Variants in OPCML observed in about 807,000 individuals in gnomAD.
The protein encoded by OPCML is opioid-binding protein/cell adhesion molecule.
In OPCML, 13 loss-of-function variants were observed where a neutral mutation model predicts 37.8. That is an observed-to-expected ratio of 0.34 (90% CI 0.22 to 0.55). The LOEUF (loss-of-function observed/expected upper bound fraction) is 0.55, where lower values mean the gene tolerates loss of function less well. Among genes scored for constraint, OPCML ranks in the 20% least tolerant of loss-of-function variants. The pLI is 0.91. For missense variants in OPCML, 341 were observed against 435.6 expected (o/e 0.78, Z 1.93); for synonymous variants, 176 against 168.8 (o/e 1.04, Z -0.33).
At chr11:132,809,009 AG>A (rs1392703355) in intron 2 of OPCML, among the ~76,000 whole-genome samples, 1 of 152,148 alleles carries the variant, frequency 6.6e-6, no homozygotes, top group African/African-American at 2.4e-5. Flanking sequence ...GCTTTTTAAA[AG>A]TTTGCTTGTT....
At chr11:133,345,546 A>G (rs929402429) in intron 1 of OPCML, among the ~76,000 whole-genome samples, 1 of 152,196 alleles carries the variant, frequency 6.6e-6, no homozygotes, top group African/African-American at 2.4e-5. Context: ...CCTGTTCACA[A>G]CATCACACTT....
intron 1 of OPCML, among the ~76,000 whole-genome samples, chr11:133,336,032 C>G (rs1000486595): frequency 6.6e-5 from 10 of 152,042 alleles, no homozygotes; most frequent in Admixed American, 2.0e-4. Flanking sequence ...GATGCCTATC[C>G]CAGGATGAAA....
At chr11:132,571,001 G>C (rs536956394) in intron 3 of OPCML, among the ~76,000 whole-genome samples, 79 of 151,690 alleles carry the variant, frequency 5.2e-4, no homozygotes, top group African/African-American at 1.8e-3. Flanking sequence ...CATTGAAAAG[G>C]GAGAGGAAGA....
intron 2 of OPCML, among the ~76,000 whole-genome samples, chr11:132,828,205 A>G (rs1456619714): frequency 6.6e-6 from 1 of 152,192 alleles, no homozygotes; most frequent in Non-Finnish European, 1.5e-5. Context: ...ACAATTATAG[A>G]GACAGTAGAT....
intron 1 of OPCML, among the ~76,000 whole-genome samples, chr11:133,337,829 T>C (rs536860059): frequency 6.6e-6 from 1 of 152,138 alleles, no homozygotes. Context: ...AAAAAGGAGA[T>C]GATGTTACAG....
At chr11:132,732,256 A>T (rs1945102701) in intron 2 of OPCML, among the ~76,000 whole-genome samples, 1 of 152,216 alleles carries the variant, frequency 6.6e-6, no homozygotes, top group South Asian at 2.1e-4. Context: ...AAAAATATTT[A>T]AGACAAAAAT....
intron 1 of OPCML, among the ~76,000 whole-genome samples, chr11:133,136,478 T>C (rs1395152192): frequency 1.3e-5 from 2 of 152,288 alleles, no homozygotes; most frequent in East Asian, 3.9e-4. Flanking sequence ...GAAGCCTTTG[T>C]AGCACACCAG....
At position 132,416,705 on chromosome 11, in the gene OPCML, T is replaced by A. The variant is rs2095939890; in HGVS notation, c.*3488A>T. On this transcript the variant is annotated 3_prime_UTR_variant, in exon 8 of 8. Transcript: ENST00000524381. ...CTCTTTGTGACACAACACCTTACCTTTTCTTCTGTTTCGTGGAGCACAGTT... is the reference window on the plus strand; with the variant it reads ...CTCTTTGTGACACAACACCTTACCTATTCTTCTGTTTCGTGGAGCACAGTT... 6.6e-6 allele frequency: 1 copy of A among 152,192 alleles called. No homozygotes were observed. Among genetic ancestry groups the A allele is most frequent in the Non-Finnish European group, 1.5e-5 (1 of 68,028 alleles). 9.4% of individuals were successfully genotyped at this position (152,192 alleles called of 1,614,324 possible).
chr11:132,933,111 G>A (rs965210602), intron 2 of OPCML, among the ~76,000 whole-genome samples: 3 of 152,136 alleles, frequency 2.0e-5, no homozygotes, highest in South Asian at 2.1e-4. Context: ...CAGGTACAGC[G>A]GGAGGCATGT....
At chr11:133,388,090 G>A (rs1945095593) in intron 1 of OPCML, among the ~76,000 whole-genome samples, 1 of 152,142 alleles carries the variant, frequency 6.6e-6, no homozygotes, top group Non-Finnish European at 1.5e-5. Context: ...CTCTAAAGCA[G>A]ATGTTCCTCC....
chr11:133,120,910 A>C (rs192158366), intron 1 of OPCML, among the ~76,000 whole-genome samples: 1 of 152,206 alleles, frequency 6.6e-6, no homozygotes, highest in Non-Finnish European at 1.5e-5. Context: ...ACGGTAATTC[A>C]CTAAACACCC....
chr11:132,955,151 C>T (rs570168904), intron 1 of OPCML, among the ~76,000 whole-genome samples: 29 of 152,108 alleles, frequency 1.9e-4, no homozygotes, highest in African/African-American at 5.3e-4. Context: ...ACATGCTGGA[C>T]GGAGATGGGG....
At chr11:133,472,078 GT>G (rs1202394903) in intron 1 of OPCML, among the ~76,000 whole-genome samples, 1 of 152,080 alleles carries the variant, frequency 6.6e-6, no homozygotes, top group African/African-American at 2.4e-5. Context: ...GAAAAGTTAA[GT>G]TTGATTTTTT....
rs373902468 is a variant in OPCML, at chr11:133,325,000, T to A, written c.61+207264A>T. ...CCTTGAATCTCTTTGACTGCATCTATGATGAGGATTTGCAAGTACCACGTT... is the reference window on the plus strand; with the variant it reads ...CCTTGAATCTCTTTGACTGCATCTAAGATGAGGATTTGCAAGTACCACGTT... On this transcript the variant is annotated intron_variant, in intron 1 of 7. Transcript: ENST00000524381. Among the ~76,000 whole-genome samples the A allele has an allele frequency of 2.6e-5, 4 of 152,308 alleles. 1 individual carries two copies. The highest frequency in any genetic ancestry group is 9.6e-5 in the African/African-American group (4 of 41,556).
intron 1 of OPCML, among the ~76,000 whole-genome samples, chr11:133,025,133 A>G (rs529469202): frequency 6.6e-6 from 1 of 152,274 alleles, no homozygotes; most frequent in South Asian, 2.1e-4. Context: ...TTGATTTGGG[A>G]GTAATTAGAA....
chr11:132,442,491 A>C (rs1447335447), intron 4 of OPCML, among the ~76,000 whole-genome samples: 1 of 152,220 alleles, frequency 6.6e-6, no homozygotes, highest in African/African-American at 2.4e-5. Context: ...TGAGGGGTCA[A>C]AGATTTTAGC....
chr11:132,582,390 T>C (rs531725424), intron 3 of OPCML, among the ~76,000 whole-genome samples: 1 of 152,060 alleles, frequency 6.6e-6, no homozygotes. Context: ...GAATAGACAC[T>C]GCTAAAAAAT....
intron 2 of OPCML, among the ~76,000 whole-genome samples, chr11:132,699,264 A>G (rs1363452770): frequency 2.0e-5 from 3 of 151,974 alleles, no homozygotes; most frequent in Non-Finnish European, 4.4e-5. Flanking sequence ...AGGCTTTGGC[A>G]TTTTCTATAT....
intron 3 of OPCML, among the ~76,000 whole-genome samples, chr11:132,649,813 C>A (rs1046178227): frequency 6.6e-6 from 1 of 152,000 alleles, no homozygotes; most frequent in Non-Finnish European, 1.5e-5. Flanking sequence ...GTCTCTTCTC[C>A]CATTGTTGTG....
Sources: gnomAD v4.1 joint callset for allele counts (sites outside exome capture counted in the v4.1 genomes callset) on GRCh38, gnomAD v4.1.1 for gene constraint, MANE v1.5 for transcripts, NCBI Gene and HGNC (gene_info 2026-07-23, HGNC 2026-07-21) for gene names.